NCALD: variants seen among roughly 807,000 people sequenced by gnomAD.
NCALD encodes the protein neurocalcin-delta.
Under a neutral mutation model 18.6 loss-of-function variants are expected in NCALD, and 10 were observed. The observed-to-expected ratio is 0.54, with a 90% CI of 0.33 to 0.91. The LOEUF is 0.91. Among genes scored for constraint, NCALD ranks in the 40% least tolerant of loss-of-function variants. NCALD has a pLI of 0.03. For missense variants in NCALD, 184 were observed against 247.6 expected, an observed-to-expected ratio of 0.74 and a Z score of 1.72; for synonymous variants, 88 against 87.4, an observed-to-expected ratio of 1.01 and a Z score of -0.04.
At chr8:101,711,797 T>G (rs1187148660) in intron 2 of NCALD, among the ~76,000 whole-genome samples, 1 of 152,096 alleles carries the variant, frequency 6.6e-6, no homozygotes, top group Non-Finnish European at 1.5e-5. Context: ...AACGTTTGAT[T>G]GGTGTACCTG....
intron 4 of NCALD, among the ~76,000 whole-genome samples, chr8:101,841,525 G>A (rs2131291286): frequency 6.6e-6 from 1 of 152,226 alleles, no homozygotes; most frequent in South Asian, 2.1e-4. Context: ...TCTTCCCCCA[G>A]GTTGTGACAA....
intron 3 of NCALD, among the ~76,000 whole-genome samples, chr8:101,905,081 T>C (rs573798826): frequency 6.6e-6 from 1 of 152,320 alleles, no homozygotes; most frequent in African/African-American, 2.4e-5. Context: ...TTTTATTCTT[T>C]GTTGATCTGA....
intron 4 of NCALD, among the ~76,000 whole-genome samples, chr8:101,814,469 G>C (rs746087306): frequency 6.6e-5 from 10 of 151,926 alleles, no homozygotes; most frequent in Non-Finnish European, 1.5e-4. Flanking sequence ...ACTAAACTGG[G>C]AATAGAGGGG....
chr8:101,888,122 A>G (rs1816740483), intron 3 of NCALD, among the ~76,000 whole-genome samples: 1 of 152,192 alleles, frequency 6.6e-6, no homozygotes, highest in African/African-American at 2.4e-5. Flanking sequence ...AATGGCTTAA[A>G]CTAGTCAAGG....
upstream of NCALD, among the ~76,000 whole-genome samples, chr8:101,793,382 C>T (rs573121874): frequency 1.2e-3 from 182 of 151,876 alleles, 1 homozygote; most frequent in African/African-American, 4.3e-3. Flanking sequence ...GTGAACTGAC[C>T]TTCAAAATGA....
chr8:101,954,097 T>C (rs1441226732), intron 2 of NCALD, among the ~76,000 whole-genome samples: 2 of 152,158 alleles, frequency 1.3e-5, no homozygotes, highest in East Asian at 3.9e-4. Context: ...TCATAGCAAG[T>C]ACTGTGGGAG....
At chr8:101,758,220 C>A (rs1237056328) in intron 1 of NCALD, among the ~76,000 whole-genome samples, 1 of 152,160 alleles carries the variant, frequency 6.6e-6, no homozygotes, top group Non-Finnish European at 1.5e-5. Flanking sequence ...CCCCAGCCTG[C>A]CTTGCCTAAA....
intron 1 of NCALD, among the ~76,000 whole-genome samples, chr8:102,103,390 T>C (rs1433715575): frequency 6.6e-6 from 1 of 152,090 alleles, no homozygotes. Flanking sequence ...TGACAGTCCA[T>C]ACCGCACAGT....
chr8:102,037,498 G>A (rs16868920), intron 1 of NCALD, among the ~76,000 whole-genome samples: 26,951 of 152,086 alleles, frequency 0.18, 2,534 homozygotes, highest in Non-Finnish European at 0.19. Context: ...TAGTGTGTGT[G>A]TAGATAGACA....
chr8:101,759,100 C>A (rs910016891), intron 1 of NCALD, among the ~76,000 whole-genome samples: 1 of 152,248 alleles, frequency 6.6e-6, no homozygotes, highest in African/African-American at 2.4e-5. Flanking sequence ...GCCAAGCACA[C>A]CAGCAGAAAC....
rs994640330 is a variant in NCALD, at chr8:101,743,694, C to T, written c.-19-24046G>A. On this transcript the variant is annotated intron_variant, in intron 1 of 3. Transcript: ENST00000220931. The stretch of plus-strand genomic sequence containing the variant: ...GGCTGTTTTCATTATTCACAGATGC[C>T]AGAAGAAATAGGATGACAATAAACC... Among the ~76,000 whole-genome samples, 9 of 152,096 alleles carry T rather than the reference C, an allele frequency of 5.9e-5. No homozygotes were observed. The East Asian group carries it at 1.7e-3, about 29-fold the overall frequency.
chr8:102,004,165 A>G (rs1455678331), intron 2 of NCALD, among the ~76,000 whole-genome samples: 1 of 151,918 alleles, frequency 6.6e-6, no homozygotes, highest in Non-Finnish European at 1.5e-5. Flanking sequence ...TAAGCTGATA[A>G]GCAACTTCAG....
intron 2 of NCALD, among the ~76,000 whole-genome samples, chr8:101,944,180 G>T (rs1402360460): frequency 6.6e-6 from 1 of 152,164 alleles, no homozygotes; most frequent in Non-Finnish European, 1.5e-5. Context: ...CCTCTGAGGA[G>T]TTCGTCTCCT....
chr8:102,012,161 T>C (rs1586921471), intron 2 of NCALD, among the ~76,000 whole-genome samples: 1 of 27,236 alleles, frequency 3.7e-5, no homozygotes, highest in South Asian at 1.3e-3. Flanking sequence ...GTCTCAGCTG[T>C]TGTGGGGACA....
chr8:101,982,179 G>A (rs1208746748), intron 2 of NCALD, among the ~76,000 whole-genome samples: 4 of 152,308 alleles, frequency 2.6e-5, no homozygotes, highest in African/African-American at 9.6e-5. Context: ...AGAAATGTGA[G>A]TCAAATAAAC....
intron 1 of NCALD, among the ~76,000 whole-genome samples, chr8:102,022,405 T>G (rs1822306588): frequency 6.6e-6 from 1 of 152,238 alleles, no homozygotes; most frequent in African/African-American, 2.4e-5. Context: ...CAATTTTTCA[T>G]CATTCCATGT....
chr8:102,031,590 A>G (rs972745380), intron 1 of NCALD, among the ~76,000 whole-genome samples: 3 of 152,160 alleles, frequency 2.0e-5, no homozygotes, highest in African/African-American at 7.2e-5. Flanking sequence ...TTTTATAATG[A>G]TGTAGTTTGA....
chr8:101,960,626 C>A (rs1807731377), intron 2 of NCALD, among the ~76,000 whole-genome samples: 3 of 151,956 alleles, frequency 2.0e-5, no homozygotes, highest in Admixed American at 2.0e-4. Context: ...CCTCTGTGAA[C>A]CTAGACTTCT....
chr8:101,736,054 C>T (rs368301895), intron 1 of NCALD, among the ~76,000 whole-genome samples: 2 of 152,190 alleles, frequency 1.3e-5, no homozygotes, highest in African/African-American at 4.8e-5. Context: ...GCTCCTTCCT[C>T]GACACCAGCG....
Sources: gnomAD v4.1 joint callset for allele counts (sites outside exome capture counted in the v4.1 genomes callset) on GRCh38, gnomAD v4.1.1 for gene constraint, MANE v1.5 for transcripts, NCBI Gene and HGNC (gene_info 2026-07-23, HGNC 2026-07-21) for gene names.